The following ATP11C variants were observed in gnomAD, a reference collection of about 807,000 sequenced individuals.
ATP11C encodes ATPase phospholipid transporting 11C (ATP11C blood group).
A neutral mutation model predicts 97.4 loss-of-function variants in ATP11C; 36 were observed. The ratio of observed to expected loss-of-function variants is 0.37; its 90% confidence interval spans 0.28 to 0.49. The LOEUF (loss-of-function observed/expected upper bound fraction) is 0.49, where lower values mean the gene tolerates loss of function less well. Ranked by LOEUF, ATP11C falls within the 20% of genes least tolerant of loss-of-function variation. ATP11C has a pLI of 0.98. For synonymous variants in ATP11C, 275 were observed against 290.9 expected, an observed-to-expected ratio of 0.95 and a Z score of 0.56; for missense variants, 730 against 824.6, an observed-to-expected ratio of 0.89 and a Z score of 1.40.
chrX:139,921,251 A>C (rs954486789), intron 1 of ATP11C, among the ~76,000 whole-genome samples: 1 of 111,395 alleles, frequency 9.0e-6, no homozygotes, highest in African/African-American at 3.3e-5. Context: ...AATCCCCATA[A>C]TACCCACCTG....
chrX:139,826,575 G>T (rs1020013642), intron 2 of ATP11C, 129 bp downstream of exon 2: 4 of 463,775 alleles, frequency 8.6e-6, no homozygotes, highest in Non-Finnish European at 1.4e-5. Flanking sequence ...ATTATAGCTG[G>T]TATATGATCC....
chrX:139,819,506 C>T (rs778187674), intron 2 of ATP11C, 79 bp from the exon 3 acceptor site: 4 of 378,987 alleles, frequency 1.1e-5, no homozygotes, highest in Non-Finnish European at 1.8e-5. Flanking sequence ...ATTATGGGTC[C>T]ACATTATCAT....
At chrX:139,797,145 T>C in intron 11 of ATP11C, 31 bp downstream of exon 11, 1 of 1,188,573 alleles carries the variant, frequency 8.4e-7, no homozygotes. Flanking sequence ...TCACAAAAAA[T>C]AGTTTCAATT....
At chrX:139,852,171 C>G (rs1180261643) in intron 1 of ATP11C, among the ~76,000 whole-genome samples, 1 of 110,263 alleles carries the variant, frequency 9.1e-6, no homozygotes, top group Non-Finnish European at 1.9e-5. Flanking sequence ...AACCCAACAA[C>G]TTTTGGGTGC....
intron 1 of ATP11C, among the ~76,000 whole-genome samples, chrX:139,900,338 C>T (rs2084878487): frequency 1.1e-5 from 1 of 89,639 alleles, no homozygotes; most frequent in Non-Finnish European, 2.1e-5. Flanking sequence ...CACTGCACTC[C>T]AGCCTGGCAA....
At chrX:139,841,485 A>C (rs1225751707) in intron 1 of ATP11C, among the ~76,000 whole-genome samples, 1 of 112,860 alleles carries the variant, frequency 8.9e-6, no homozygotes, top group Non-Finnish European at 1.9e-5. Flanking sequence ...TGGTGGTACA[A>C]GGGCTTGGAG....
chrX:139,933,647 A>G (rs1411116431), upstream of ATP11C, among the ~76,000 whole-genome samples: 1 of 112,072 alleles, frequency 8.9e-6, no homozygotes, highest in African/African-American at 3.2e-5. Flanking sequence ...CTCTTACACG[A>G]GTCTTCCGCC....
At chrX:139,747,311 A>T (rs1382388449) in intron 24 of ATP11C, among the ~76,000 whole-genome samples, 1 of 111,945 alleles carries the variant, frequency 8.9e-6, no homozygotes, top group Admixed American at 9.5e-5. Flanking sequence ...GATGGGAATT[A>T]TATCACATTC....
At chrX:139,768,207 C>T in intron 20 of ATP11C, 53 bp downstream of exon 20, 1 of 874,226 alleles carries the variant, frequency 1.1e-6, no homozygotes, top group Non-Finnish European at 1.5e-6. Context: ...AACATTTGCA[C>T]ATATATGTAT....
chrX:139,861,789 C>T (rs1294494968), intron 1 of ATP11C, among the ~76,000 whole-genome samples: 2 of 111,350 alleles, frequency 1.8e-5, no homozygotes, highest in African/African-American at 6.5e-5. Flanking sequence ...CACACACACA[C>T]ACACACACAC....
chrX:139,935,656 CCACCTATACT>C (rs2085512953), upstream of ATP11C, among the ~76,000 whole-genome samples: 1 of 111,655 alleles, frequency 9.0e-6, no homozygotes, highest in Middle Eastern at 4.6e-3. Flanking sequence ...TTTCAATACG[CCACCTATACT>C]CATGGGTCCA....
intron 1 of ATP11C, among the ~76,000 whole-genome samples, chrX:139,836,639 G>GT (rs979658657): frequency 6.3e-5 from 7 of 111,946 alleles, no homozygotes; most frequent in African/African-American, 2.3e-4. Context: ...TAAAAAAAAT[G>GT]TTTAAGTACA....
chrX:139,843,686 T>C (rs894087932), intron 1 of ATP11C, among the ~76,000 whole-genome samples: 20 of 111,828 alleles, frequency 1.8e-4, no homozygotes, highest in Admixed American at 1.7e-3. Context: ...AAATATTGGT[T>C]CTGCCACTTA....
intron 28 of ATP11C, 37 bp from the exon 29 acceptor site, chrX:139,731,792 A>G: frequency 1.0e-6 from 1 of 987,115 alleles, no homozygotes; most frequent in Non-Finnish European, 1.4e-6. Flanking sequence ...AAGCATTTGA[A>G]AATTGGTTAA....
chrX:139,880,040 T>C (rs755213816), intron 1 of ATP11C, among the ~76,000 whole-genome samples: 2 of 110,223 alleles, frequency 1.8e-5, no homozygotes, highest in Non-Finnish European at 3.8e-5. Flanking sequence ...TAAATTCTTG[T>C]CTCATTTTAC....
rs1347372195 is a variant in ATP11C at position 139,804,685 on chromosome X, G to C, written c.427-86C>G. Reference sequence around the variant, plus strand: ...TACAAAAGTCAAAACATTAGCAAGAGATTATCTCTAGCTCTGGGGCTTTGA... The same window carrying C: ...TACAAAAGTCAAAACATTAGCAAGACATTATCTCTAGCTCTGGGGCTTTGA... On this transcript the variant is annotated intron_variant, in intron 5 of 29. Coordinates refer to ENST00000682941, the MANE Select transcript of ATP11C (RefSeq NM_001353812.2). 4 of 764,657 alleles carry C rather than the reference G, an allele frequency of 5.2e-6. No homozygotes were observed. In the African/African-American group the frequency reaches 6.4e-5, roughly 12 times the overall value. 63.0% of individuals were successfully genotyped at this position (764,657 alleles called of 1,213,427 possible). A position where few individuals can be genotyped will look rare whatever the true frequency, so the allele number is the denominator to read the frequency against.
At chrX:139,896,546 TAC>T (rs61153084) in intron 1 of ATP11C, among the ~76,000 whole-genome samples, 19,147 of 79,420 alleles carry the variant, frequency 0.24, 2,084 homozygotes, top group Middle Eastern at 0.38. Flanking sequence ...GTTAATTTTA[TAC>T]ACACACACAC....
intron 1 of ATP11C, among the ~76,000 whole-genome samples, chrX:139,836,700 G>A (rs1263291462): frequency 1.8e-5 from 2 of 111,440 alleles, no homozygotes; most frequent in Admixed American, 9.5e-5. Flanking sequence ...ACACTAGAGG[G>A]TACATTGGTT....
At chrX:139,790,445 T>TTC (rs1217777441) in intron 12 of ATP11C, among the ~76,000 whole-genome samples, 16 of 96,849 alleles carry the variant, frequency 1.7e-4, no homozygotes, top group Non-Finnish European at 2.6e-4. Context: ...GACCACTTAT[T>TTC]TCTCTCTCTC....
Sources: gnomAD v4.1 joint callset for allele counts (sites outside exome capture counted in the v4.1 genomes callset) on GRCh38, gnomAD v4.1.1 for gene constraint, MANE v1.5 for transcripts, NCBI Gene and HGNC (gene_info 2026-07-23, HGNC 2026-07-21) for gene names.